The following ZNF337 variants were observed in gnomAD, a reference collection of about 807,000 sequenced individuals.
The protein encoded by ZNF337 is zinc finger protein 337.
Under a neutral mutation model 12.1 loss-of-function variants are expected in ZNF337, and 8 were observed. The observed-to-expected ratio is 0.66, with a 90% CI of 0.39 to 1.19. The LOEUF is 1.19. Ranked by LOEUF, ZNF337 falls within the 50% of genes most tolerant of loss-of-function variation. The probability of loss-of-function intolerance (pLI) is 0.01; values close to 1 mark genes in which losing one functional copy is unlikely to be tolerated. For missense variants in ZNF337, 882 were observed against 896.6 expected, an observed-to-expected ratio of 0.98 and a Z score of 0.21; for synonymous variants, 336 against 320.0, an observed-to-expected ratio of 1.05 and a Z score of -0.53.
At chr20:25,685,055 A>G (rs1480480490) in intron 4 of ZNF337, among the ~76,000 whole-genome samples, 1 of 151,926 alleles carries the variant, frequency 6.6e-6, no homozygotes, top group Non-Finnish European at 1.5e-5. Context: ...TAGCAAACCA[A>G]CATGGCACAT....
Position 25,676,734 on chromosome 20 carries a change from C to A in ZNF337, c.554G>T (p.Arg185Leu). 6.2e-7 allele frequency: 1 copy of A among 1,614,238 alleles called. No individual in the cohort carries two copies. The highest frequency in any genetic ancestry group is 8.5e-7 in the Non-Finnish European group (1 of 1,180,044). ...CATCTTCCGGCTGAAGTCTTGCCCA[C>A]GCTCTGCACACTTGAATGCTCCCCA... ...SRWGAFKCAE[R>L]GQDFSRKMMV... The change falls in exon 5 of 5, where the codon CGT becomes CTT. Residue 185 changes from arginine (R) to leucine (L), a missense_variant. Coordinates refer to ENST00000252979, the MANE Select transcript of ZNF337 (RefSeq NM_015655.4).
intron 4 of ZNF337, among the ~76,000 whole-genome samples, chr20:25,680,250 A>T (rs2065754639): frequency 6.6e-6 from 1 of 152,176 alleles, no homozygotes; most frequent in East Asian, 1.9e-4. Context: ...TGTAATTTAT[A>T]TTTCAAAATA....
intron 1 of ZNF337, among the ~76,000 whole-genome samples, chr20:25,688,966 G>GAAAATACAAA (rs1233858234): frequency 6.6e-6 from 1 of 151,892 alleles, no homozygotes; most frequent in Non-Finnish European, 1.5e-5. Context: ...CGTCTCTACT[G>GAAAATACAAA]AAAATACAAA....
At chr20:25,688,553 G>A (rs1329723875) in intron 1 of ZNF337, among the ~76,000 whole-genome samples, 2 of 152,206 alleles carry the variant, frequency 1.3e-5, no homozygotes, top group African/African-American at 4.8e-5. Flanking sequence ...CAGCCAGGCT[G>A]TCACACATAA....
chr20:25,689,203 C>T (rs2065863164), intron 1 of ZNF337, among the ~76,000 whole-genome samples: 1 of 151,260 alleles, frequency 6.6e-6, no homozygotes, highest in Non-Finnish European at 1.5e-5. Flanking sequence ...ACTCAGGAGT[C>T]TGAGGCAGGA....
intron 1 of ZNF337, among the ~76,000 whole-genome samples, chr20:25,691,364 A>G (rs2065881135): frequency 6.6e-6 from 1 of 152,228 alleles, no homozygotes; most frequent in Non-Finnish European, 1.5e-5. Flanking sequence ...AGATGCTGAT[A>G]GATTACTGAA....
chr20:25,675,590 G>GT lies in ZNF337; in HGVS notation c.1697dup (p.His566GlnfsTer8). The GT allele has an allele frequency of 6.2e-7, 1 of 1,613,954 alleles. No individual in the cohort carries two copies. Among genetic ancestry groups the GT allele is most frequent in the Non-Finnish European group, 8.5e-7 (1 of 1,179,982 alleles). On this transcript the variant is annotated frameshift_variant, in exon 5 of 5. Coordinates refer to ENST00000252979, the MANE Select transcript of ZNF337 (RefSeq NM_015655.4). LOFTEE classifies it low-confidence loss of function (END_TRUNC). ...TGCAATTAAATGGCCTTTCCCCCGA[G>GT]TGTGTCCACTGATGTCTAAGAAGAT...
intron 1 of ZNF337, among the ~76,000 whole-genome samples, chr20:25,693,069 TTACA>T (rs1321751923): frequency 6.6e-6 from 1 of 152,180 alleles, no homozygotes; most frequent in Admixed American, 6.5e-5. Context: ...CCCAGATATG[TTACA>T]TAAAGTAAAA....
intron 1 of ZNF337, among the ~76,000 whole-genome samples, chr20:25,689,651 A>C (rs1341792838): frequency 6.6e-6 from 1 of 152,210 alleles, no homozygotes; most frequent in Non-Finnish European, 1.5e-5. Flanking sequence ...TCAGAGATCA[A>C]GTATATATGG....
intron 1 of ZNF337, among the ~76,000 whole-genome samples, chr20:25,688,485 A>G (rs996458588): frequency 3.9e-5 from 6 of 152,232 alleles, no homozygotes; most frequent in African/African-American, 1.4e-4. Context: ...AAGAATCAAC[A>G]TTAATGCTTG....
intron 2 of ZNF337, 85 bp from the exon 3 acceptor site, chr20:25,686,207 CAG>C (rs1161755777): frequency 1.3e-6 from 2 of 1,594,044 alleles, no homozygotes; most frequent in African/African-American, 2.7e-5. Context: ...CATCTGTACA[CAG>C]ATCACTACTT....
At chr20:25,685,939 T>A (rs1304322426) in intron 3 of ZNF337, 57 bp downstream of exon 3, 5 of 1,570,604 alleles carry the variant, frequency 3.2e-6, no homozygotes, top group Non-Finnish European at 4.3e-6. Context: ...CCTAACCCTA[T>A]GGCAACATCA....
chr20:25,675,791 AT>A lies in ZNF337; in HGVS notation c.1496del (p.Asp499ValfsTer9), dbSNP rs753914275. On this transcript the variant is annotated frameshift_variant, in exon 5 of 5. Coordinates refer to ENST00000252979, the MANE Select transcript of ZNF337 (RefSeq NM_015655.4). LOFTEE classifies it low-confidence loss of function (END_TRUNC). The part of the protein sequence containing the change: ...GCRECGRRFR[D>X]KSSYNKHLRA... ...TCAGGTGCTTGTTATAGGAGGACTTATCCCGAAACCTTCGCCCACACTCCCG... is the reference window on the plus strand; with the variant it reads ...TCAGGTGCTTGTTATAGGAGGACTTACCCGAAACCTTCGCCCACACTCCCG... 10 of 1,612,888 alleles carry A rather than the reference AT, an allele frequency of 6.2e-6. No homozygotes were observed. The highest frequency in any genetic ancestry group is 7.6e-6 in the Non-Finnish European group (9 of 1,179,720).
Position 25,687,553 on chromosome 20 carries a change from T to C in ZNF337, c.-49-1087A>G, listed in dbSNP as rs189324588. Among the ~76,000 whole-genome samples, 17 of 152,318 alleles carry C rather than the reference T, an allele frequency of 1.1e-4. No homozygotes were observed. In the South Asian group the frequency reaches 2.5e-3, roughly 22 times the overall value. On this transcript the variant is annotated intron_variant, in intron 1 of 4. Coordinates refer to ENST00000252979, the MANE Select transcript of ZNF337 (RefSeq NM_015655.4). ...AGCATACATCCACTAGCCAGTAACT[T>C]TGAGACAGAAGTGAACAAATACTAT...
Position 25,674,880 on chromosome 20 carries a change from A to T in ZNF337, c.*152T>A. The T allele has an allele frequency of 1.5e-6, 1 of 667,392 alleles. No homozygotes were observed. Among genetic ancestry groups the T allele is most frequent in the Non-Finnish European group, 2.5e-6 (1 of 396,126 alleles). The allele number at this position is 667,392 out of a possible 1,614,324, so 41.3% of individuals were successfully genotyped here. On this transcript the variant is annotated 3_prime_UTR_variant, in exon 5 of 5. Coordinates refer to ENST00000252979, the MANE Select transcript of ZNF337 (RefSeq NM_015655.4). The stretch of plus-strand genomic sequence containing the variant: ...TCTTTTCTCTGAATCTCTTGGGGAC[A>T]CATGGGTTGAATTCAGGTTCTCTGT...
rs775474243 is a variant in ZNF337, at chr20:25,675,110, T to C, written c.2178A>G (p.Ser726=). The change falls in exon 5 of 5, where the codon TCA becomes TCG. Residue 726 remains serine (S), a synonymous_variant. Coordinates refer to ENST00000252979, the MANE Select transcript of ZNF337 (RefSeq NM_015655.4). ...QECGRKFSNK[S]YYSKHLKRHL... Reference sequence around the variant, plus strand: ...GTCTCTTTAAGTGCTTACTGTAGTATGACTTATTGCTAAACTTTCGTCCAC... The same window carrying C: ...GTCTCTTTAAGTGCTTACTGTAGTACGACTTATTGCTAAACTTTCGTCCAC... 3.1e-6 allele frequency: 5 copies of C among 1,614,192 alleles called. No homozygotes were observed. Among genetic ancestry groups the C allele is most frequent in the Non-Finnish European group, 3.4e-6 (4 of 1,180,038 alleles).
chr20:25,685,513 C>G (rs41275512), intron 4 of ZNF337, 54 bp downstream of exon 4: 1 of 1,489,278 alleles, frequency 6.7e-7, no homozygotes, highest in Non-Finnish European at 9.3e-7. Context: ...GAAGCCTCCT[C>G]CCTCCTGAAA....
rs747919034 is a variant in ZNF337 at position 25,676,001 on chromosome 20, C to G, written c.1287G>C (p.Glu429Asp). The G allele has an allele frequency of 3.7e-6, 6 of 1,613,686 alleles. No homozygotes were observed. In the African/African-American group the frequency reaches 6.7e-5, roughly 18 times the overall value. ...CACATTCTCTACAAACAAAAGGTTT[C>G]TCCCCTGAGTGTGTTCTCTGGTGGT... Reference protein sequence around the residue: ...LVYHQRTHSGEKPFVCRECGQ... With the variant: ...LVYHQRTHSGDKPFVCRECGQ... Residue 429 changes from glutamate (E) to aspartate (D), a missense_variant, in exon 5 of 5, where the codon GAG becomes GAC. By Grantham distance (45) the Glu-to-Asp change is conservative. Transcript: ENST00000252979.
Position 25,675,251 on chromosome 20 carries a change from G to A in ZNF337, c.2037C>T (p.His679=), listed in dbSNP as rs1009380190. 2 of 1,614,168 alleles carry A rather than the reference G, an allele frequency of 1.2e-6. No homozygotes were observed. Among genetic ancestry groups the A allele is most frequent in the Non-Finnish European group, 1.7e-6 (2 of 1,180,034 alleles). ...GGCAAACAAAAGGCTTCTCCTTTGA[G>A]TGTATCCGCCAGTGGTGTCTGGTGA... ...RSLTRHHWRI[H]SKEKPFVCQE... is the part of the protein sequence containing the mutation. The change falls in exon 5 of 5, where the codon CAC becomes CAT. Residue 679 remains histidine, a synonymous_variant. Transcript: ENST00000252979.
Sources: allele counts gnomAD v4.1 joint callset (sites outside exome capture counted in the v4.1 genomes callset), GRCh38; gene constraint gnomAD v4.1.1; transcripts MANE v1.5; gene names NCBI Gene and HGNC (gene_info 2026-07-23, HGNC 2026-07-21).